The following GLYATL1 variants were observed in gnomAD, a reference collection of about 807,000 sequenced individuals.
GLYATL1 encodes the protein glycine N-acyltransferase-like protein 1.
Under a neutral mutation model 20.0 loss-of-function variants are expected in GLYATL1, and 15 were observed. The observed-to-expected ratio is 0.75, with a 90% CI of 0.50 to 1.15. The LOEUF (loss-of-function observed/expected upper bound fraction) is 1.15, where lower values mean the gene tolerates loss of function less well. GLYATL1 is among the 50% of genes most tolerant of loss of function. The pLI is 0.00. For missense variants in GLYATL1, 380 were observed against 368.5 expected (o/e 1.03, Z -0.26); for synonymous variants, 151 against 131.5 (o/e 1.15, Z -1.01).
In GLYATL1 at chr11:58,955,267, G is replaced by A. The variant is rs370872373; in HGVS notation, c.405G>A (p.Thr135=). The change falls in exon 6 of 7, where the codon ACG becomes ACA. Residue 135 remains threonine, a synonymous_variant. Transcript: ENST00000532726. ...ATTCGAGAGCACTCCTCTTGGTTAC[G>A]GAAGATATTCTGAAGCTCAATGCCT... ...VEHSRALLLV[T]EDILKLNASS... 20 of 1,614,004 alleles carry A rather than the reference G, an allele frequency of 1.2e-5. No homozygotes were observed. The highest frequency in any genetic ancestry group is 4.4e-5 in the South Asian group (4 of 91,088).
At chr11:58,941,653 T>C (rs1225489362) in intron 1 of GLYATL1, among the ~76,000 whole-genome samples, 1 of 152,126 alleles carries the variant, frequency 6.6e-6, no homozygotes, top group Non-Finnish European at 1.5e-5. Flanking sequence ...AAGAAGGTAA[T>C]AGAGTTTTTA....
At position 58,954,845 on chromosome 11, in the gene GLYATL1, G is replaced by T. The variant is rs1857267449; in HGVS notation, c.262G>T (p.Val88Phe). 3.7e-6 allele frequency: 6 copies of T among 1,612,826 alleles called. No homozygotes were observed. In the East Asian group the frequency reaches 1.3e-4, roughly 36 times the overall value. Residue 88 changes from valine (V) to phenylalanine (F), a missense_variant, in exon 5 of 7, where the codon GTT (valine) becomes TTT (phenylalanine). Physicochemically the swap from Val to Phe is conservative, Grantham distance 50. Coordinates refer to ENST00000532726, the MANE Select transcript of GLYATL1 (RefSeq NM_001389712.2). ...FSKEPQKSEE[V>F]LKNCEIVNWK... is the part of the protein sequence containing the mutation. ...CAAAGAGCCTCAAAAATCAGAAGAA[G>T]TTTTGAAAAATTGTGAGATCGTAAA...
chr11:58,943,681 G>T lies in GLYATL1; in HGVS notation c.-43+15G>T, dbSNP rs778650975. The T allele has an allele frequency of 1.9e-6, 3 of 1,610,088 alleles. No individual in the cohort carries two copies. The highest frequency in any genetic ancestry group is 1.1e-5 in the South Asian group (1 of 90,100). ...GAGGATAATAGGTAAGCTCCCTCTC[G>T]CATTTTGGAGCTTCACACGTTGGTG... On this transcript the variant is annotated intron_variant, in intron 2 of 6. Transcript: ENST00000532726.
At chr11:58,919,198 T>G (rs1299516922) in intron 1 of GLYATL1, among the ~76,000 whole-genome samples, 1 of 152,236 alleles carries the variant, frequency 6.6e-6, no homozygotes, top group East Asian at 1.9e-4. Context: ...TTTGCCTCCT[T>G]AAAATTAGTT....
chr11:58,915,950 A>G (rs1473692697), intron 1 of GLYATL1, among the ~76,000 whole-genome samples: 6 of 152,192 alleles, frequency 3.9e-5, no homozygotes, highest in Non-Finnish European at 8.8e-5. Context: ...GAATGTCTTT[A>G]GGTAAAGTCA....
At chr11:58,914,215 C>G (rs376689908) in intron 1 of GLYATL1, among the ~76,000 whole-genome samples, 34 of 152,190 alleles carry the variant, frequency 2.2e-4, no homozygotes, top group South Asian at 6.2e-4. Flanking sequence ...CTGCAGGTCC[C>G]ACCCTCTCAT....
At chr11:58,910,340 A>C (rs529936093), downstream of GLYATL1, among the ~76,000 whole-genome samples, 1 of 152,318 alleles carries the variant, frequency 6.6e-6, no homozygotes, top group African/African-American at 2.4e-5. Flanking sequence ...AGACTTTGTT[A>C]AGTTAAATAT....
exon 2 of GLYATL1, chr11:58,907,279 C>T (rs1054071828): frequency 1.3e-5 from 6 of 456,130 alleles, no homozygotes; most frequent in Non-Finnish European, 2.6e-5. Flanking sequence ...CTCTTGTCAC[C>T]TTGGTCTCTC....
At chr11:58,923,161 C>T (rs2135117519), upstream of GLYATL1, among the ~76,000 whole-genome samples, 1 of 152,328 alleles carries the variant, frequency 6.6e-6, no homozygotes, top group Non-Finnish European at 1.5e-5. Context: ...TCCATTTCTC[C>T]ATTTGTCAAT....
chr11:58,909,722 T>C (rs530425142), downstream of GLYATL1, among the ~76,000 whole-genome samples: 1 of 152,150 alleles, frequency 6.6e-6, no homozygotes, highest in Non-Finnish European at 1.5e-5. Context: ...TCTAGACTGG[T>C]AAGGTAGTGT....
intron 2 of GLYATL1, among the ~76,000 whole-genome samples, chr11:58,945,431 T>G (rs1003169956): frequency 3.3e-5 from 5 of 152,026 alleles, no homozygotes; most frequent in Non-Finnish European, 7.4e-5. Context: ...CAAAGGTCAT[T>G]GCAAGGGGAT....
chr11:58,955,925 AAATG>A lies in GLYATL1; in HGVS notation c.810_813del (p.Asn270LysfsTer29). 1.9e-6 allele frequency: 3 copies of A among 1,614,230 alleles called. No individual in the cohort carries two copies. In the South Asian group the frequency reaches 3.3e-5, roughly 18 times the overall value. The stretch of plus-strand genomic sequence containing the variant: ...CATTTTACATCTCTGTGTTGGAAGA[AAATG>A]AAGACTCCCGCAGATTTGTGGGGCA... On this transcript the variant is annotated frameshift_variant, in exon 7 of 7. Transcript: ENST00000532726. LOFTEE classifies it low-confidence loss of function (END_TRUNC).
At chr11:58,916,938 G>C (rs1403334985) in intron 1 of GLYATL1, 1 of 152,146 alleles carries the variant, frequency 6.6e-6, no homozygotes, top group African/African-American at 2.4e-5. Flanking sequence ...TGGTTAGTTT[G>C]TTTACATCCT....
intron 1 of GLYATL1, among the ~76,000 whole-genome samples, chr11:58,918,058 A>G (rs1855218304): frequency 6.6e-6 from 1 of 151,856 alleles, no homozygotes; most frequent in Admixed American, 6.6e-5. Flanking sequence ...TTTTTTCTTC[A>G]CTGACAAGGC....
intron 1 of GLYATL1, among the ~76,000 whole-genome samples, chr11:58,914,600 G>A (rs1032893903): frequency 6.6e-6 from 1 of 152,094 alleles, no homozygotes; most frequent in Admixed American, 6.5e-5. Context: ...CCCTGGGTGG[G>A]GATTTCCATA....
At chr11:58,955,563 A>G in intron 6 of GLYATL1, 47 bp from the exon 7 acceptor site, 5 of 1,577,492 alleles carry the variant, frequency 3.2e-6, no homozygotes, top group Non-Finnish European at 3.5e-6. Flanking sequence ...CCTAGAAATT[A>G]CAGGATTGGG....
intron 2 of GLYATL1, 45 bp downstream of exon 2, chr11:58,943,711 G>C (rs368796881): frequency 4.4e-5 from 70 of 1,603,644 alleles, no homozygotes; most frequent in Non-Finnish European, 1.2e-5. Flanking sequence ...TTGGTGTTTT[G>C]AGCTCTCTGA....
upstream of GLYATL1, among the ~76,000 whole-genome samples, chr11:58,923,049 T>C (rs149894950): frequency 3.9e-5 from 6 of 152,316 alleles, no homozygotes; most frequent in East Asian, 1.2e-3. Flanking sequence ...TGCATTCTAA[T>C]GGGGTGGGTC....
rs5792141 is a variant in GLYATL1 at position 58,932,110 on chromosome 11, CAAAAAAAAA to C, written c.-212+4296_-212+4304del. Among the ~76,000 whole-genome samples, 464 of 61,498 alleles carry C rather than the reference CAAAAAAAAA, an allele frequency of 7.5e-3. 3 individuals carry two copies. The highest frequency in any genetic ancestry group is 0.032 in the African/African-American group (446 of 14,014). The allele number at this position is 61,498 out of a possible 152,430, so 40.3% of individuals were successfully genotyped here. A position where few individuals can be genotyped will look rare whatever the true frequency, so the allele number is the denominator to read the frequency against. On this transcript the variant is annotated intron_variant, in intron 1 of 7. Transcript: ENST00000317391. ...CTAGGGGACAGAAGAGACCCCTTCT[CAAAAAAAAA>C]AAAAAAAAAAAAAAGACATAAACAT...
Sources: gnomAD v4.1 joint callset for allele counts (sites outside exome capture counted in the v4.1 genomes callset) on GRCh38, gnomAD v4.1.1 for gene constraint, MANE v1.5 for transcripts, NCBI Gene and HGNC (gene_info 2026-07-23, HGNC 2026-07-21) for gene names.